Variants in KDM4C observed in about 807,000 individuals in gnomAD.
KDM4C encodes lysine demethylase 4C, also known as lysine-specific demethylase 4C.
In KDM4C, 81 loss-of-function variants were observed where a neutral mutation model predicts 129.3. That is an observed-to-expected ratio of 0.63 (90% confidence interval 0.52 to 0.75). The LOEUF (loss-of-function observed/expected upper bound fraction) is 0.75. Among genes scored for constraint, KDM4C ranks in the 30% least tolerant of loss-of-function variants. The pLI is 0.00. For missense variants in KDM4C, 1,457 were observed against 1,304.0 expected (o/e 1.12, Z -1.81); for synonymous variants, 573 against 456.1 (o/e 1.26, Z -3.26).
chr9:6,808,987 A>G (rs573452353), intron 3 of KDM4C, among the ~76,000 whole-genome samples: 2 of 152,140 alleles, frequency 1.3e-5, no homozygotes, highest in Non-Finnish European at 2.9e-5. Context: ...ATAGTTTCCA[A>G]ATTCCCTGGA....
chr9:6,947,009 A>T, intron 8 of KDM4C, among the ~76,000 whole-genome samples: 1 of 152,266 alleles, frequency 6.6e-6, no homozygotes, highest in African/African-American at 2.4e-5. Context: ...AGTGAAGGGA[A>T]GGATTATTAT....
intron 12 of KDM4C, among the ~76,000 whole-genome samples, chr9:7,006,399 A>G (rs1354580615): frequency 6.6e-6 from 1 of 151,990 alleles, no homozygotes; most frequent in African/African-American, 2.4e-5. Context: ...GGTGATACTG[A>G]TTGTCTATTT....
intron 12 of KDM4C, among the ~76,000 whole-genome samples, chr9:7,006,950 A>T (rs998561327): frequency 1.3e-5 from 2 of 152,216 alleles, no homozygotes; most frequent in African/African-American, 2.4e-5. Flanking sequence ...ATAAATTTTT[A>T]TTTTTATTGA....
intron 8 of KDM4C, among the ~76,000 whole-genome samples, chr9:6,946,136 A>G (rs866721379): frequency 7.9e-5 from 12 of 152,280 alleles, no homozygotes; most frequent in African/African-American, 2.9e-4. Context: ...AGTGGATCAT[A>G]TGGATTGGAG....
intron 17 of KDM4C, among the ~76,000 whole-genome samples, chr9:7,055,905 C>T (rs1258252383): frequency 6.6e-6 from 1 of 152,104 alleles, no homozygotes; most frequent in East Asian, 1.9e-4. Context: ...TTGACAGGGC[C>T]TCTGTTAATG....
intron 15 of KDM4C, among the ~76,000 whole-genome samples, chr9:7,024,020 G>T (rs1360270203): frequency 6.6e-6 from 1 of 152,008 alleles, no homozygotes; most frequent in Non-Finnish European, 1.5e-5. Flanking sequence ...CACTTTTTTT[G>T]AACGTTTGAA....
At chr9:7,114,193 G>A (rs1294029237) in intron 18 of KDM4C, among the ~76,000 whole-genome samples, 2 of 152,074 alleles carry the variant, frequency 1.3e-5, no homozygotes, top group Admixed American at 1.3e-4. Context: ...CCTGGTTCAT[G>A]GTAGTTAACA....
chr9:6,899,801 G>A (rs1817091015), intron 8 of KDM4C, among the ~76,000 whole-genome samples: 1 of 152,150 alleles, frequency 6.6e-6, no homozygotes, highest in African/African-American at 2.4e-5. Context: ...GAGCTAGGGA[G>A]CCTGATTTCA....
chr9:7,005,457 A>C (rs1365869773), intron 12 of KDM4C, among the ~76,000 whole-genome samples: 2 of 144,908 alleles, frequency 1.4e-5, no homozygotes, highest in African/African-American at 5.1e-5. Context: ...AAAAAAGACC[A>C]CATGAGTAAA....
At chr9:6,961,138 A>G (rs1374945837) in intron 8 of KDM4C, among the ~76,000 whole-genome samples, 3 of 152,222 alleles carry the variant, frequency 2.0e-5, no homozygotes, top group Non-Finnish European at 2.9e-5. Context: ...TGAGTTTGCA[A>G]ACATTTGACA....
At chr9:7,034,362 C>T (rs984514207) in intron 15 of KDM4C, among the ~76,000 whole-genome samples, 3 of 152,190 alleles carry the variant, frequency 2.0e-5, no homozygotes, top group Admixed American at 1.3e-4. Context: ...TTCCTCCTTT[C>T]TGTCTATCCT....
At chr9:7,104,036 G>C in intron 18 of KDM4C, 166 bp downstream of exon 18, 1 of 631,938 alleles carries the variant, frequency 1.6e-6, no homozygotes, top group Non-Finnish European at 2.7e-6. Flanking sequence ...TTATTTCCTG[G>C]TATTTGCCTA....
chr9:7,030,438 G>GT (rs1159772847), intron 15 of KDM4C, among the ~76,000 whole-genome samples: 6 of 152,144 alleles, frequency 3.9e-5, no homozygotes, highest in African/African-American at 1.2e-4. Flanking sequence ...AACACCAAGA[G>GT]TGAATCCTAA....
upstream of KDM4C, among the ~76,000 whole-genome samples, chr9:6,755,451 G>A (rs1818212029): frequency 6.6e-6 from 1 of 151,836 alleles, no homozygotes; most frequent in Non-Finnish European, 1.5e-5. Flanking sequence ...TGAGGCACAA[G>A]GCACGAGAAT....
chr9:6,867,146 G>C (rs779455091), intron 5 of KDM4C, among the ~76,000 whole-genome samples: 2 of 151,504 alleles, frequency 1.3e-5, no homozygotes, highest in Non-Finnish European at 2.9e-5. Flanking sequence ...CTCCCAAGTA[G>C]CTGGGATTAC....
chr9:6,807,676 A>C lies in KDM4C; in HGVS notation c.320+1902A>C, dbSNP rs549731225. ...ACCCCGTCTGAGAAGTGAGGAGCCC[A>C]TCCGCCCGGCAGCTGCCCCGTCTGA... On this transcript the variant is annotated intron_variant, in intron 3 of 21. Coordinates refer to ENST00000381309, the MANE Select transcript of KDM4C (RefSeq NM_015061.6). Among the ~76,000 whole-genome samples, 115 of 142,288 alleles carry C rather than the reference A, an allele frequency of 8.1e-4. No homozygotes were observed. In the Middle Eastern group the frequency reaches 0.021, roughly 26 times the overall value. The allele number at this position is 142,288 out of a possible 152,430, so 93.3% of individuals were successfully genotyped here.
intron 8 of KDM4C, among the ~76,000 whole-genome samples, chr9:6,937,205 A>C (rs1271750900): frequency 6.6e-6 from 1 of 152,142 alleles, no homozygotes; most frequent in Non-Finnish European, 1.5e-5. Context: ...GAGCCGCCTC[A>C]CCCAGCGAGT....
intron 8 of KDM4C, among the ~76,000 whole-genome samples, chr9:6,963,418 C>T (rs561130840): frequency 6.6e-6 from 1 of 152,202 alleles, no homozygotes; most frequent in Non-Finnish European, 1.5e-5. Flanking sequence ...AGCCCAGAGG[C>T]TGACATTATG....
chr9:6,777,900 A>C (rs1823426165), intron 1 of KDM4C, among the ~76,000 whole-genome samples: 1 of 150,112 alleles, frequency 6.7e-6, no homozygotes, highest in African/African-American at 2.5e-5. Flanking sequence ...TCTTCAAAAC[A>C]TACAGGTTTT....
Sources: allele counts gnomAD v4.1 joint callset (sites outside exome capture counted in the v4.1 genomes callset), GRCh38; gene constraint gnomAD v4.1.1; transcripts MANE v1.5; gene names NCBI Gene and HGNC (gene_info 2026-07-23, HGNC 2026-07-21).